Variants in RAPGEF3 observed in about 807,000 individuals in gnomAD.
The protein encoded by RAPGEF3 is 9330170P05Rik.
A neutral mutation model predicts 129.8 loss-of-function variants in RAPGEF3; 103 were observed. That is an observed-to-expected ratio of 0.79 (90% CI 0.68 to 0.93). The LOEUF (loss-of-function observed/expected upper bound fraction) is 0.93, where lower values mean the gene tolerates loss of function less well. Among genes scored for constraint, RAPGEF3 ranks in the 40% least tolerant of loss-of-function variants. RAPGEF3 has a pLI of 0.00. For missense variants in RAPGEF3, 1,117 were observed against 1,207.4 expected, an observed-to-expected ratio of 0.93 and a Z score of 1.11; for synonymous variants, 436 against 482.6, an observed-to-expected ratio of 0.90 and a Z score of 1.26.
At chr12:47,757,633 A>T (rs186079391) in intron 2 of RAPGEF3, among the ~76,000 whole-genome samples, 6 of 151,988 alleles carry the variant, frequency 3.9e-5, no homozygotes, top group African/African-American at 1.5e-4. Flanking sequence ...CCTTCCCCCC[A>T]TGCCCAAACA....
At chr12:47,752,230 C>A (rs1024743873) in intron 2 of RAPGEF3, among the ~76,000 whole-genome samples, 1 of 152,226 alleles carries the variant, frequency 6.6e-6, no homozygotes, top group Non-Finnish European at 1.5e-5. Flanking sequence ...GACACCCATT[C>A]TGCTTACTCA....
Position 47,747,704 on chromosome 12 carries a change from C to G in RAPGEF3, c.1473+8G>C. On this transcript the variant is annotated splice_region_variant and intron_variant, in intron 14 of 27. Transcript: ENST00000449771. ...AGCCCAGCCCCGCTGTGCCTCACTC[C>G]CAGGTACCTGGAGGAAGCTGGTGGC... 6.2e-7 allele frequency: 1 copy of G among 1,611,444 alleles called. No homozygotes were observed. Among genetic ancestry groups the G allele is most frequent in the Non-Finnish European group, 8.5e-7 (1 of 1,179,010 alleles).
At chr12:47,737,999 A>AC in intron 27 of RAPGEF3, 23 bp downstream of exon 27, 5 of 736,422 alleles carry the variant, frequency 6.8e-6, no homozygotes, top group Non-Finnish European at 1.2e-5. Context: ...CTCCCTGCCC[A>AC]CCCACCATCG....
In RAPGEF3 at chr12:47,740,975, G is replaced by A. The variant is rs1389134435; in HGVS notation, c.1989C>T (p.Ala663=). The A allele has an allele frequency of 1.2e-5, 20 of 1,613,600 alleles. No individual in the cohort carries two copies. The highest frequency in any genetic ancestry group is 1.7e-5 in the Non-Finnish European group (20 of 1,179,898). Residue 663 remains alanine, a synonymous_variant, in exon 20 of 28, where the codon GCC becomes GCT. Transcript: ENST00000449771. The part of the protein sequence containing the change: ...GSAEGLDLVS[A]KDLAGQLTDH... Reference sequence around the variant, plus strand: ...CCGTCAGCTGGCCTGCCAGGTCCTTGGCACTCACCAGGTCCAGCCCCTCAG... The same window carrying A: ...CCGTCAGCTGGCCTGCCAGGTCCTTAGCACTCACCAGGTCCAGCCCCTCAG...
At position 47,749,721 on chromosome 12, in the gene RAPGEF3, G is replaced by A; in HGVS notation, c.894+20C>T. 1 of 1,613,602 alleles carries A rather than the reference G, an allele frequency of 6.2e-7. No homozygotes were observed. The highest frequency in any genetic ancestry group is 8.5e-7 in the Non-Finnish European group (1 of 1,179,560). On this transcript the variant is annotated intron_variant, in intron 9 of 27. Transcript: ENST00000449771. The surrounding 1 kb of genome is among the most constrained non-coding windows in gnomAD (Gnocchi z 4.5). The stretch of plus-strand genomic sequence containing the variant: ...CAGTTAGGACCCAGGGCACTGGGGT[G>A]GGGAGGAGGGAGGGCTCACCTTGCC...
chr12:47,754,301 C>T (rs145385929), intron 2 of RAPGEF3, among the ~76,000 whole-genome samples: 1 of 152,356 alleles, frequency 6.6e-6, no homozygotes, highest in Non-Finnish European at 1.5e-5. Context: ...CAGGCAAGTT[C>T]TGTGGGCAAG....
At chr12:47,741,096 G>C in intron 19 of RAPGEF3, 56 bp from the exon 20 acceptor site, 2 of 1,578,896 alleles carry the variant, frequency 1.3e-6, no homozygotes, top group Non-Finnish European at 1.7e-6. Flanking sequence ...AAAGGCACAG[G>C]GTAGGGGGAG....
At position 47,743,687 on chromosome 12, in the gene RAPGEF3, G is replaced by A; in HGVS notation, c.1679-11C>T. On this transcript the variant is annotated splice_polypyrimidine_tract_variant and intron_variant, in intron 17 of 27. Coordinates refer to ENST00000449771, the MANE Select transcript of RAPGEF3 (RefSeq NM_001098531.4). The stretch of plus-strand genomic sequence containing the variant: ...AGATGTCATAGGGGACTGAAGAGGA[G>A]ACCAGACTGAGCTGTGGGAAGGGCT... 1.2e-6 allele frequency: 2 copies of A among 1,601,566 alleles called. No individual in the cohort carries two copies. The highest frequency in any genetic ancestry group is 1.7e-6 in the Non-Finnish European group (2 of 1,169,944).
chr12:47,739,106 G>C (rs2074535), intron 24 of RAPGEF3, 37 bp downstream of exon 24: 16 of 1,498,060 alleles, frequency 1.1e-5, no homozygotes, highest in Middle Eastern at 1.7e-4. Context: ...AGGCAGGAAG[G>C]GGGGAATGGA....
intron 17 of RAPGEF3, 24 bp from the exon 18 acceptor site, chr12:47,743,700 T>G: frequency 6.3e-7 from 1 of 1,595,184 alleles, no homozygotes; most frequent in Non-Finnish European, 8.6e-7. Context: ...CAGACTGAGC[T>G]GTGGGAAGGG....
At position 47,749,304 on chromosome 12, in the gene RAPGEF3, G is replaced by T; in HGVS notation, c.1041+86C>A. On this transcript the variant is annotated intron_variant, in intron 10 of 27. Transcript: ENST00000449771. This position sits in a 1 kb window ranked among gnomAD's most constrained non-coding sequence, Gnocchi z 4.5. ...TCTCTTACCTGCCCTGCTTCTTACAGGCCCTCTGCTCTGGTCCCTACTCCT... is the reference window on the plus strand; with the variant it reads ...TCTCTTACCTGCCCTGCTTCTTACATGCCCTCTGCTCTGGTCCCTACTCCT... The T allele has an allele frequency of 1.3e-6, 1 of 796,022 alleles. No homozygotes were observed. The highest frequency in any genetic ancestry group is 2.0e-6 in the Non-Finnish European group (1 of 510,606). 49.3% of individuals were successfully genotyped at this position (796,022 alleles called of 1,614,324 possible). A position where few individuals can be genotyped will look rare whatever the true frequency, so the allele number is the denominator to read the frequency against.
intron 2 of RAPGEF3, among the ~76,000 whole-genome samples, chr12:47,753,472 C>CT (rs1184093731): frequency 1.3e-5 from 2 of 152,252 alleles, no homozygotes; most frequent in Non-Finnish European, 2.9e-5. Context: ...CATCTTGGCA[C>CT]TGCGTGCCCA....
Position 47,751,449 on chromosome 12 carries a change from T to A in RAPGEF3, c.452A>T (p.Gln151Leu). The A allele has an allele frequency of 6.2e-7, 1 of 1,614,104 alleles. No homozygotes were observed. The highest frequency in any genetic ancestry group is 2.2e-5 in the East Asian group (1 of 44,860). The stretch of plus-strand genomic sequence containing the variant: ...CAGCACCTGGCAGATTCCCACAACT[T>A]GGCTCCGGGAATGGACCCCAAGTCC... ...ALGLGVHSRSQVVGICQVLLD... is the reference protein window; with the variant it reads ...ALGLGVHSRSLVVGICQVLLD... Residue 151 changes from glutamine to leucine, a missense_variant, in exon 5 of 28, where the codon CAA (glutamine) becomes CTA (leucine). Gln to Leu is a moderately radical substitution (Grantham distance 113). Transcript: ENST00000449771.
chr12:47,739,743 C>T (rs530463343), intron 23 of RAPGEF3: 15 of 370,308 alleles, frequency 4.1e-5, no homozygotes, highest in South Asian at 3.8e-4. Flanking sequence ...GCAAGCCCCT[C>T]GGAGTTCCTG....
In RAPGEF3 at chr12:47,747,243, C is replaced by T. The variant is rs532011613; in HGVS notation, c.1556+301G>A. ...GGTAAAGTCTAGGAAATGTACCGGG[C>T]GGGACTGGCAGAAGCTGGCACTGAG... On this transcript the variant is annotated intron_variant, in intron 15 of 27. Coordinates refer to ENST00000449771, the MANE Select transcript of RAPGEF3 (RefSeq NM_001098531.4). 5.3e-5 allele frequency among the ~76,000 whole-genome samples: 8 copies of T among 152,210 alleles called. No individual in the cohort carries two copies. The East Asian group carries it at 5.8e-4, about 11-fold the overall frequency.
chr12:47,748,272 G>T, intron 12 of RAPGEF3, 120 bp from the exon 13 acceptor site: 1 of 1,012,134 alleles, frequency 9.9e-7, no homozygotes, highest in Non-Finnish European at 1.5e-6. Flanking sequence ...TCCCAGCAGT[G>T]TCCAGCCCCT....
chr12:47,741,814 T>C (rs936819122), intron 18 of RAPGEF3: 1 of 580,566 alleles, frequency 1.7e-6, no homozygotes, highest in Non-Finnish European at 3.1e-6. Context: ...GAGGAAAGAT[T>C]CTCAGTGAGT....
rs1941739414 is a variant in RAPGEF3, at chr12:47,751,448, T to C, written c.453A>G (p.Gln151=). The C allele has an allele frequency of 6.2e-7, 1 of 1,614,120 alleles. No homozygotes were observed. The highest frequency in any genetic ancestry group is 1.1e-5 in the South Asian group (1 of 91,092). ...ALGLGVHSRS[Q]VVGICQVLLD... is the part of the protein sequence containing the mutation. ...GCAGCACCTGGCAGATTCCCACAAC[T>C]TGGCTCCGGGAATGGACCCCAAGTC... The change falls in exon 5 of 28, where the codon CAA becomes CAG. Residue 151 remains glutamine (Q), a synonymous_variant. Coordinates refer to ENST00000449771, the MANE Select transcript of RAPGEF3 (RefSeq NM_001098531.4).
intron 7 of RAPGEF3, 32 bp downstream of exon 7, chr12:47,750,309 T>C: frequency 1.3e-6 from 2 of 1,591,298 alleles, no homozygotes; most frequent in Non-Finnish European, 1.7e-6. Flanking sequence ...AGATGCCTGG[T>C]ACGGGGCAGG....
Sources: allele counts gnomAD v4.1 joint callset (sites outside exome capture counted in the v4.1 genomes callset), GRCh38; gene constraint gnomAD v4.1.1; non-coding constraint Gnocchi (gnomAD v3.1); transcripts MANE v1.5; gene names NCBI Gene and HGNC (gene_info 2026-07-23, HGNC 2026-07-21).